The following PKIA variants were observed in gnomAD, a reference collection of about 807,000 sequenced individuals.
The protein encoded by PKIA is PKI-alpha.
A neutral mutation model predicts 7.6 loss-of-function variants in PKIA; 4 were observed. That is an observed-to-expected ratio of 0.52 (90% confidence interval 0.26 to 1.20). The LOEUF (loss-of-function observed/expected upper bound fraction) is 1.20. Ranked by LOEUF, PKIA falls within the 50% of genes most tolerant of loss-of-function variation. The pLI is 0.13. For synonymous variants in PKIA, 21 were observed against 30.7 expected (o/e 0.68, Z 1.04); for missense variants, 73 against 86.2 (o/e 0.85, Z 0.61).
chr8:78,545,041 A>G (rs1806786536), intron 1 of PKIA, among the ~76,000 whole-genome samples: 1 of 152,178 alleles, frequency 6.6e-6, no homozygotes, highest in Non-Finnish European at 1.5e-5. Flanking sequence ...ATTGGAAATA[A>G]TAAAGAAAAA....
intron 1 of PKIA, among the ~76,000 whole-genome samples, chr8:78,549,795 C>T (rs1806937763): frequency 6.6e-6 from 1 of 150,738 alleles, no homozygotes; most frequent in South Asian, 2.1e-4. Flanking sequence ...CTCAGAGTCT[C>T]AGTGAAACAA....
At chr8:78,600,649 G>A (rs142724171) in intron 3 of PKIA, among the ~76,000 whole-genome samples, 5 of 152,164 alleles carry the variant, frequency 3.3e-5, no homozygotes, top group African/African-American at 7.2e-5. Flanking sequence ...CACATCATGC[G>A]AGCCTCTCAC....
intron 1 of PKIA, among the ~76,000 whole-genome samples, chr8:78,548,648 G>A (rs867715636): frequency 2.0e-5 from 3 of 152,054 alleles, no homozygotes; most frequent in Admixed American, 6.6e-5. Context: ...ACACTGAATC[G>A]TATAGAGATA....
At chr8:78,523,475 C>A (rs1563565267) in intron 1 of PKIA, among the ~76,000 whole-genome samples, 1 of 151,886 alleles carries the variant, frequency 6.6e-6, no homozygotes, top group Non-Finnish European at 1.5e-5. Flanking sequence ...GTAGAAGCAG[C>A]AGTTTTTTGG....
intron 1 of PKIA, among the ~76,000 whole-genome samples, chr8:78,526,010 T>C (rs1223172093): frequency 1.3e-5 from 2 of 152,076 alleles, no homozygotes; most frequent in Non-Finnish European, 2.9e-5. Context: ...AAAGGAGAAC[T>C]CAGTGAAGTG....
intron 2 of PKIA, among the ~76,000 whole-genome samples, chr8:78,577,155 T>C (rs4739133): frequency 6.6e-5 from 10 of 152,016 alleles, no homozygotes; most frequent in Admixed American, 6.6e-4. Context: ...GTGCACAACG[T>C]GCAGGTTTGT....
chr8:78,572,771 G>A (rs956686079), intron 1 of PKIA, 40 bp from the exon 2 acceptor site: 2 of 151,448 alleles, frequency 1.3e-5, no homozygotes, highest in African/African-American at 4.9e-5. Context: ...AAACTTATAT[G>A]TACAGATAAT....
chr8:78,581,575 T>C (rs1049623012), intron 2 of PKIA, among the ~76,000 whole-genome samples: 1 of 152,022 alleles, frequency 6.6e-6, no homozygotes, highest in African/African-American at 2.4e-5. Flanking sequence ...TTCACTGTGA[T>C]TTTCCTGCCA....
intron 1 of PKIA, among the ~76,000 whole-genome samples, chr8:78,533,626 A>C (rs1385969485): frequency 1.3e-5 from 2 of 152,066 alleles, no homozygotes; most frequent in Non-Finnish European, 2.9e-5. Flanking sequence ...GAAGACTGAG[A>C]TGGAGGAGTG....
At chr8:78,584,364 A>G (rs991785621) in intron 2 of PKIA, among the ~76,000 whole-genome samples, 17 of 152,176 alleles carry the variant, frequency 1.1e-4, no homozygotes, top group African/African-American at 3.9e-4. Flanking sequence ...TGAAGCACTT[A>G]GATGGAAGTA....
intron 2 of PKIA, among the ~76,000 whole-genome samples, chr8:78,583,581 C>T (rs1382199032): frequency 3.9e-5 from 6 of 152,060 alleles, no homozygotes; most frequent in Non-Finnish European, 7.4e-5. Flanking sequence ...AGAGCATTTT[C>T]CTTTCTTCTT....
In PKIA at chr8:78,520,012, T is replaced by C. The variant is rs181928667; in HGVS notation, c.-157+3544T>C. Among the ~76,000 whole-genome samples the C allele has an allele frequency of 2.6e-3, 402 of 152,252 alleles. 4 individuals carry two copies. Among genetic ancestry groups the C allele is most frequent in the Admixed American group, 6.6e-3 (101 of 15,284 alleles). On this transcript the variant is annotated intron_variant, in intron 1 of 3. Coordinates refer to ENST00000396418, the MANE Select transcript of PKIA (RefSeq NM_006823.4). ...GGTTATCCTTTCATGTGAACATGCT[T>C]TGTCTGCTCTTCTAAAAAAAACTCT...
intron 1 of PKIA, among the ~76,000 whole-genome samples, chr8:78,536,859 T>TACACACACAC (rs58547049): frequency 1.1e-3 from 143 of 136,130 alleles, no homozygotes; most frequent in East Asian, 2.3e-3. Flanking sequence ...CTAGAAAACA[T>TACACACACAC]ACACACACAC....
rs77293831 is a variant in PKIA at position 78,518,409 on chromosome 8, C to T, written c.-157+1941C>T. Among the ~76,000 whole-genome samples, 690 of 152,282 alleles carry T rather than the reference C, an allele frequency of 4.5e-3. 7 individuals are homozygous for T. Among genetic ancestry groups the T allele is most frequent in the African/African-American group, 0.016 (665 of 41,566 alleles). On this transcript the variant is annotated intron_variant, in intron 1 of 3. Coordinates refer to ENST00000396418, the MANE Select transcript of PKIA (RefSeq NM_006823.4). The stretch of plus-strand genomic sequence containing the variant: ...GATCAACAACAAACCCTGTATTCTA[C>T]CACCTTTTTTCTACTATTAAAATAC...
At chr8:78,548,731 T>C (rs757968439) in intron 1 of PKIA, among the ~76,000 whole-genome samples, 4 of 152,036 alleles carry the variant, frequency 2.6e-5, no homozygotes, top group Admixed American at 6.6e-5. Context: ...TTGCTGAAAA[T>C]CTGTTATTCC....
intron 1 of PKIA, among the ~76,000 whole-genome samples, chr8:78,569,541 A>G (rs147319896): frequency 2.9e-3 from 439 of 152,230 alleles, no homozygotes; most frequent in Non-Finnish European, 4.6e-3. Context: ...TCTAAAAATA[A>G]TAAGTTAAAA....
rs1259907417 is a variant in PKIA, at chr8:78,604,997, C to T, written c.*3176C>T. 1 of 151,798 alleles carries T rather than the reference C, an allele frequency of 6.6e-6. No individual in the cohort carries two copies. Among genetic ancestry groups the T allele is most frequent in the African/African-American group, 2.4e-5 (1 of 41,332 alleles). 9.4% of individuals were successfully genotyped at this position (151,798 alleles called of 1,614,324 possible). ...ATACTGCTATTTCTCTTCAGGGAAACAATAATGGATAAAGAAATGTAACTG... is the reference window on the plus strand; with the variant it reads ...ATACTGCTATTTCTCTTCAGGGAAATAATAATGGATAAAGAAATGTAACTG... On this transcript the variant is annotated 3_prime_UTR_variant, in exon 4 of 4. Coordinates refer to ENST00000396418, the MANE Select transcript of PKIA (RefSeq NM_006823.4).
chr8:78,561,081 T>C (rs1401232962), intron 1 of PKIA, among the ~76,000 whole-genome samples: 1 of 152,156 alleles, frequency 6.6e-6, no homozygotes, highest in South Asian at 2.1e-4. Flanking sequence ...ACTAAATGAT[T>C]AGTGTGTTTG....
chr8:78,532,618 AAGC>A lies in PKIA; in HGVS notation c.-157+16153_-157+16155del, dbSNP rs549752945. 2.6e-5 allele frequency among the ~76,000 whole-genome samples: 4 copies of A among 152,226 alleles called. No homozygotes were observed. In the East Asian group the frequency reaches 7.7e-4, roughly 29 times the overall value. Reference sequence around the variant, plus strand: ...GGGTCACTGTGTATTTAAAGATACAAAGCAGGCTGGACGCAGTGGCTCACACCT... The same window carrying A: ...GGGTCACTGTGTATTTAAAGATACAAAGGCTGGACGCAGTGGCTCACACCT... On this transcript the variant is annotated intron_variant, in intron 1 of 3. Coordinates refer to ENST00000396418, the MANE Select transcript of PKIA (RefSeq NM_006823.4).
Sources: gnomAD v4.1 joint callset for allele counts (sites outside exome capture counted in the v4.1 genomes callset) on GRCh38, gnomAD v4.1.1 for gene constraint, MANE v1.5 for transcripts, NCBI Gene and HGNC (gene_info 2026-07-23, HGNC 2026-07-21) for gene names.